Variants in RNF217 observed in about 807,000 individuals in gnomAD.
RNF217 encodes the protein E3 ubiquitin-protein ligase RNF217.
In RNF217, 31 loss-of-function variants were observed where a neutral mutation model predicts 57.8. That is an observed-to-expected ratio of 0.54 (90% confidence interval 0.40 to 0.72). RNF217 has a LOEUF of 0.72. RNF217 is among the 30% of genes least tolerant of loss of function. The probability of loss-of-function intolerance (pLI) is 0.00; values close to 1 mark genes in which losing one functional copy is unlikely to be tolerated. For missense variants in RNF217, 696 were observed against 708.3 expected, an observed-to-expected ratio of 0.98 and a Z score of 0.20; for synonymous variants, 313 against 294.0, an observed-to-expected ratio of 1.06 and a Z score of -0.66.
intron 3 of RNF217, among the ~76,000 whole-genome samples, chr6:125,075,235 T>A (rs9321019): frequency 0.46 from 69,938 of 151,920 alleles, 16,499 homozygotes; most frequent in Middle Eastern, 0.54. Flanking sequence ...TCTAGTGTGG[T>A]CAAAAGATTG....
chr6:124,987,267 AATT>A (rs902675339), intron 1 of RNF217, among the ~76,000 whole-genome samples: 1 of 152,182 alleles, frequency 6.6e-6, no homozygotes, highest in Non-Finnish European at 1.5e-5. Context: ...TAAAGTGTAT[AATT>A]ATTATTTTGT....
chr6:125,033,616 C>T (rs1786464166), intron 1 of RNF217, among the ~76,000 whole-genome samples: 2 of 151,344 alleles, frequency 1.3e-5, no homozygotes, highest in African/African-American at 2.4e-5. Context: ...TGGGTTGGTT[C>T]CAAGTCTTTG....
intron 1 of RNF217, among the ~76,000 whole-genome samples, chr6:124,999,871 A>G (rs532703535): frequency 6.6e-6 from 1 of 152,328 alleles, no homozygotes. Flanking sequence ...TTAAACTATT[A>G]AATAAATATA....
intron 2 of RNF217, among the ~76,000 whole-genome samples, chr6:125,051,264 T>A (rs1787305118): frequency 6.6e-6 from 1 of 152,078 alleles, no homozygotes; most frequent in East Asian, 1.9e-4. Context: ...TACTAAGAAC[T>A]GTTTTCCCTT....
rs1332747680 is a variant in RNF217, at chr6:125,092,377, G to A, written c.*9440G>A. 6.6e-6 allele frequency: 1 copy of A among 152,170 alleles called. No individual in the cohort carries two copies. Among genetic ancestry groups the A allele is most frequent in the Non-Finnish European group, 1.5e-5 (1 of 68,030 alleles). The allele number at this position is 152,170 out of a possible 1,614,324, so 9.4% of individuals were successfully genotyped here. A position where few individuals can be genotyped will look rare whatever the true frequency, so the allele number is the denominator to read the frequency against. Reference sequence around the variant, plus strand: ...AATGTCCCAATGACCTTTTGTTGTGGTTGGGCTTTTATAAAAAATTATTTT... The same window carrying A: ...AATGTCCCAATGACCTTTTGTTGTGATTGGGCTTTTATAAAAAATTATTTT... On this transcript the variant is annotated 3_prime_UTR_variant, in exon 6 of 6. Coordinates refer to ENST00000521654, the MANE Select transcript of RNF217 (RefSeq NM_001286398.3).
chr6:124,986,437 C>G (rs552669371), intron 1 of RNF217, among the ~76,000 whole-genome samples: 15 of 152,326 alleles, frequency 9.8e-5, no homozygotes, highest in Non-Finnish European at 1.6e-4. Context: ...CAAAGATACT[C>G]TAATGCATGG....
intron 1 of RNF217, among the ~76,000 whole-genome samples, chr6:125,036,228 C>T (rs1031298127): frequency 2.0e-5 from 3 of 152,122 alleles, no homozygotes; most frequent in Non-Finnish European, 4.4e-5. Context: ...TTTCCAGCTT[C>T]ATCCATGTCC....
intron 1 of RNF217, among the ~76,000 whole-genome samples, chr6:124,983,200 G>T (rs1036294269): frequency 6.6e-6 from 1 of 152,038 alleles, no homozygotes; most frequent in Non-Finnish European, 1.5e-5. Context: ...CTTATGAGTG[G>T]GCCCATAACA....
chr6:125,009,441 C>A, intron 1 of RNF217: 5 of 506,120 alleles, frequency 9.9e-6, no homozygotes, highest in South Asian at 4.2e-5. Flanking sequence ...TCAGATGGTG[C>A]CATCTCTTTC....
chr6:125,074,879 C>T (rs1562496940), intron 3 of RNF217, among the ~76,000 whole-genome samples: 1 of 152,162 alleles, frequency 6.6e-6, no homozygotes, highest in Non-Finnish European at 1.5e-5. Context: ...AATTGTAAAA[C>T]TCCCAATTGC....
At chr6:125,029,874 G>A (rs1178994687) in intron 1 of RNF217, among the ~76,000 whole-genome samples, 1 of 152,168 alleles carries the variant, frequency 6.6e-6, no homozygotes, top group African/African-American at 2.4e-5. Context: ...ACTGTGTAGG[G>A]TGGGATTCCC....
rs146117555 is a variant in RNF217, at chr6:125,030,044, T to C, written c.883-15167T>C. On this transcript the variant is annotated intron_variant, in intron 1 of 5. Transcript: ENST00000521654. ...GAATCATGGCGGGAGGTGAAAGGCA[T>C]TTCTTACATGGCAGCAGCAAGAGAA... Among the ~76,000 whole-genome samples, 211 of 152,200 alleles carry C rather than the reference T, an allele frequency of 1.4e-3. 2 individuals are homozygous for C. Among genetic ancestry groups the C allele is most frequent in the East Asian group, 6.0e-3 (31 of 5,168 alleles).
intron 2 of RNF217, chr6:125,048,054 G>A: frequency 2.4e-6 from 1 of 423,888 alleles, no homozygotes; most frequent in Non-Finnish European, 4.0e-6. Flanking sequence ...ACTTATTTTA[G>A]TGTAAAGTTT....
At chr6:124,965,312 G>A (rs943275432) in intron 1 of RNF217, among the ~76,000 whole-genome samples, 5 of 152,250 alleles carry the variant, frequency 3.3e-5, no homozygotes, top group South Asian at 2.1e-4. Context: ...GGTGGCTCAC[G>A]CCTGTAATCC....
Position 125,071,694 on chromosome 6 carries a change from G to C in RNF217, c.1282-4963G>C, listed in dbSNP as rs371305330. ...TGAACATTTCATCTTATGACCTTAA[G>C]TATAGAAAGATATAAGTAATGCTTG... is the stretch of plus-strand genomic sequence containing the variant. On this transcript the variant is annotated intron_variant, in intron 3 of 5. Coordinates refer to ENST00000521654, the MANE Select transcript of RNF217 (RefSeq NM_001286398.3). Among the ~76,000 whole-genome samples the C allele has an allele frequency of 2.6e-5, 4 of 152,172 alleles. No homozygotes were observed. In the South Asian group the frequency reaches 8.3e-4, roughly 32 times the overall value.
At chr6:125,058,232 T>C in intron 3 of RNF217, 126 bp downstream of exon 3, 1 of 785,748 alleles carries the variant, frequency 1.3e-6, no homozygotes, top group Non-Finnish European at 1.8e-6. Flanking sequence ...TATTGCTCTT[T>C]TATTTTGGAA....
At chr6:125,031,984 A>G (rs1786381178) in intron 1 of RNF217, among the ~76,000 whole-genome samples, 1 of 152,136 alleles carries the variant, frequency 6.6e-6, no homozygotes, top group African/African-American at 2.4e-5. Context: ...GGGAGGTGAA[A>G]GGCACTCCTT....
chr6:125,078,115 C>T (rs961391112), intron 4 of RNF217, among the ~76,000 whole-genome samples: 4 of 152,122 alleles, frequency 2.6e-5, no homozygotes, highest in African/African-American at 9.7e-5. Flanking sequence ...TAATGATTTT[C>T]CAGTGCGTGC....
intron 1 of RNF217, among the ~76,000 whole-genome samples, chr6:125,016,082 G>C (rs1785592049): frequency 6.6e-6 from 1 of 152,050 alleles, no homozygotes; most frequent in African/African-American, 2.4e-5. Context: ...ACTAGAAGAA[G>C]AAATGAGAAT....
Sources: allele counts gnomAD v4.1 joint callset (sites outside exome capture counted in the v4.1 genomes callset), GRCh38; gene constraint gnomAD v4.1.1; transcripts MANE v1.5; gene names NCBI Gene and HGNC (gene_info 2026-07-23, HGNC 2026-07-21).